Variants in GRK1 observed in about 807,000 individuals in gnomAD.
GRK1 encodes G protein-coupled receptor kinase 1.
A neutral mutation model predicts 41.7 loss-of-function variants in GRK1; 28 were observed. The observed-to-expected ratio is 0.67, with a 90% CI of 0.50 to 0.92. The LOEUF is 0.92. GRK1 is among the 40% of genes least tolerant of loss of function. The pLI, the probability that GRK1 is intolerant of heterozygous loss-of-function variation, is 0.00. For missense variants in GRK1, 703 were observed against 671.2 expected (o/e 1.05, Z -0.52); for synonymous variants, 327 against 286.7 (o/e 1.14, Z -1.42).
chr13:113,727,082 G>A (rs368649726), intron 4 of GRK1, among the ~76,000 whole-genome samples: 16 of 152,366 alleles, frequency 1.1e-4, no homozygotes, highest in Admixed American at 3.3e-4. Context: ...ACTGTGTGCC[G>A]GGTTGGCCTC....
the GRK1 span, chr13:113,654,790 G>A: frequency 5.0e-6 from 8 of 1,610,248 alleles, no homozygotes; most frequent in African/African-American, 1.3e-5. Flanking sequence ...CACACGGCAT[G>A]GGGGCAACAT....
At position 113,723,098 on chromosome 13, in the gene GRK1, G is replaced by A; in HGVS notation, c.1010G>A (p.Gly337Glu). Residue 337 changes from glycine to glutamate, a missense_variant, in exon 4 of 7, where the codon GGG (glycine) becomes GAG (glutamate). Physicochemically the swap from Gly to Glu is moderately conservative, Grantham distance 98 (BLOSUM62 -2). Coordinates refer to ENST00000335678, the MANE Select transcript of GRK1 (RefSeq NM_002929.3). ...GGCAATGTCCGGATCTCTGACCTTG[G>A]GCTGGCCGTGGAGCTGCTGGACGGA... ...NDGNVRISDLGLAVELLDGQS... is the reference protein window; with the variant it reads ...NDGNVRISDLELAVELLDGQS... 1 of 701,278 alleles carries A rather than the reference G, an allele frequency of 1.4e-6. No homozygotes were observed. Among genetic ancestry groups the A allele is most frequent in the African/African-American group, 1.8e-5 (1 of 56,440 alleles). The allele number at this position is 701,278 out of a possible 1,614,324, so 43.4% of individuals were successfully genotyped here.
chr13:113,660,231 C>T, the GRK1 span, among the ~76,000 whole-genome samples: 1 of 152,182 alleles, frequency 6.6e-6, no homozygotes, highest in Non-Finnish European at 1.5e-5. Flanking sequence ...CCTCTCTCCC[C>T]CCATCTGAGT....
chr13:113,734,122 C>T (rs1013779755), intron 6 of GRK1, among the ~76,000 whole-genome samples: 2 of 152,206 alleles, frequency 1.3e-5, no homozygotes, highest in Non-Finnish European at 2.9e-5. Context: ...CAGCCATACC[C>T]TCTAGGACCC....
chr13:113,730,062 G>A (rs1424685542), intron 4 of GRK1, among the ~76,000 whole-genome samples: 2 of 124,260 alleles, frequency 1.6e-5, no homozygotes, highest in African/African-American at 3.1e-5. Context: ...CCTCCATCCC[G>A]ACACAGTCCC....
intron 3 of GRK1, among the ~76,000 whole-genome samples, chr13:113,672,190 GGTGT>G (rs1185214581): frequency 4.6e-5 from 7 of 151,838 alleles, no homozygotes; most frequent in South Asian, 2.1e-4. Context: ...TGGTTTGTGG[GGTGT>G]GTGTGTGTGT....
At chr13:113,723,619 T>C (rs577075655) in intron 4 of GRK1, among the ~76,000 whole-genome samples, 3 of 152,312 alleles carry the variant, frequency 2.0e-5, no homozygotes, top group African/African-American at 7.2e-5. Flanking sequence ...GATAAGCATT[T>C]ATCTCAGTGA....
At chr13:113,651,105 G>C in the GRK1 span, among the ~76,000 whole-genome samples, 1 of 151,842 alleles carries the variant, frequency 6.6e-6, no homozygotes. Flanking sequence ...ACACCCTAGT[G>C]GGAAGGCTCC....
the GRK1 span, chr13:113,652,802 G>C: frequency 6.5e-7 from 1 of 1,540,354 alleles, no homozygotes; most frequent in Admixed American, 1.8e-5. Flanking sequence ...TGTGCTCCTC[G>C]TGGTGGGTGT....
At chr13:113,652,191 C>T in the GRK1 span, among the ~76,000 whole-genome samples, 6 of 152,318 alleles carry the variant, frequency 3.9e-5, no homozygotes, top group African/African-American at 1.2e-4. Flanking sequence ...TGCTGTGCTC[C>T]GAGGGTGGCA....
At chr13:113,651,478 T>C in the GRK1 span, among the ~76,000 whole-genome samples, 10,775 of 152,214 alleles carry the variant, frequency 0.071, 1,247 homozygotes, top group African/African-American at 0.24. Flanking sequence ...AAAGCCCCAT[T>C]GTTTCCCTTG....
chr13:113,724,462 T>C (rs1013491274), intron 4 of GRK1, among the ~76,000 whole-genome samples: 10 of 152,158 alleles, frequency 6.6e-5, no homozygotes, highest in African/African-American at 2.4e-4. Flanking sequence ...TTTTGGGTCC[T>C]CCCATGCTGG....
chr13:113,730,791 C>T (rs1235244925), intron 4 of GRK1, among the ~76,000 whole-genome samples: 1 of 152,262 alleles, frequency 6.6e-6, no homozygotes, highest in Admixed American at 6.5e-5. Context: ...TCCTCTCCAA[C>T]GTGGTTCCCA....
intron 3 of GRK1, among the ~76,000 whole-genome samples, chr13:113,672,222 T>G (rs1033665384): frequency 6.7e-6 from 1 of 150,116 alleles, no homozygotes; most frequent in African/African-American, 2.5e-5. Context: ...GGTGTGTGTG[T>G]GGCATATGGT....
At chr13:113,651,643 G>A in the GRK1 span, 4 of 1,582,954 alleles carry the variant, frequency 2.5e-6, no homozygotes, top group East Asian at 2.3e-5. Flanking sequence ...TCCTGGGGCA[G>A]CCCTGCCCGC....
chr13:113,733,198 C>G lies in GRK1; in HGVS notation c.1396+113C>G, dbSNP rs925695016. On this transcript the variant is annotated intron_variant, in intron 6 of 6. Coordinates refer to ENST00000335678, the MANE Select transcript of GRK1 (RefSeq NM_002929.3). ...GGCAGGGAGGAGTGCCTCAGACCCC[C>G]AAGGCTCTCCCTCTGCCCCCAGCAA... 4 of 1,046,532 alleles carry G rather than the reference C, an allele frequency of 3.8e-6. No individual in the cohort carries two copies. In the African/African-American group the frequency reaches 6.4e-5, roughly 17 times the overall value. 64.8% of individuals were successfully genotyped at this position (1,046,532 alleles called of 1,614,324 possible).
the GRK1 span, among the ~76,000 whole-genome samples, chr13:113,659,518 C>T: frequency 1.3e-5 from 2 of 152,234 alleles, no homozygotes; most frequent in East Asian, 3.9e-4. Flanking sequence ...AAAATAATTG[C>T]CCTAAAATTC....
chr13:113,733,821 G>GCA, intron 6 of GRK1, among the ~76,000 whole-genome samples: 1 of 146,864 alleles, frequency 6.8e-6, no homozygotes, highest in Non-Finnish European at 1.5e-5. Flanking sequence ...ATACGTGTGT[G>GCA]CGTGTGTGTG....
intron 4 of GRK1, among the ~76,000 whole-genome samples, chr13:113,727,389 GTGTGGCC>G (rs1446845501): frequency 2.6e-5 from 4 of 151,932 alleles, no homozygotes; most frequent in African/African-American, 9.7e-5. Flanking sequence ...GGGCTTTGAG[GTGTGGCC>G]TGTGGTCTGT....
Sources: allele counts gnomAD v4.1 joint callset (sites outside exome capture counted in the v4.1 genomes callset), GRCh38; gene constraint gnomAD v4.1.1; transcripts MANE v1.5; gene names NCBI Gene and HGNC (gene_info 2026-07-23, HGNC 2026-07-21).